LONP2: variants seen among roughly 807,000 people sequenced by gnomAD.
The protein encoded by LONP2 is lon peptidase 2, peroxisomal.
In LONP2, 60 loss-of-function variants were observed where a neutral mutation model predicts 85.6. The ratio of observed to expected loss-of-function variants is 0.70; its 90% CI spans 0.57 to 0.87. The LOEUF (loss-of-function observed/expected upper bound fraction) is 0.87. LONP2 is among the 40% of genes least tolerant of loss of function. LONP2 has a pLI of 0.00. For synonymous variants in LONP2, 395 were observed against 389.7 expected (o/e 1.01, Z -0.16); for missense variants, 860 against 1,063.5 (o/e 0.81, Z 2.66).
At chr16:48,279,690 T>C (rs1037117149) in intron 8 of LONP2, among the ~76,000 whole-genome samples, 2 of 152,244 alleles carry the variant, frequency 1.3e-5, no homozygotes, top group South Asian at 4.1e-4. Flanking sequence ...GACTGCTTCC[T>C]AAATTTATTT....
rs933489594 is a variant in LONP2 at position 48,244,545 on chromosome 16, C to T, written c.157C>T (p.Gln53Ter). The T allele has an allele frequency of 6.4e-7, 1 of 1,558,216 alleles. No homozygotes were observed. Among genetic ancestry groups the T allele is most frequent in the Middle Eastern group, 1.7e-4 (1 of 5,904 alleles). ...RSRLLKGTSL[Q>*]STILGVIPNT... is the part of the protein sequence containing the mutation. ...CCGCCTTCTGAAGGGCACGTCGCTG[C>T]AAAGCACCATCCTGGGCGTCATCCC... The change falls in exon 1 of 15, where the codon CAA becomes TAA. Residue 53 changes from glutamine (Q) to a stop codon, truncating the protein, a stop_gained. Coordinates refer to ENST00000285737, the MANE Select transcript of LONP2 (RefSeq NM_031490.5). LOFTEE classifies it high-confidence loss of function.
chr16:48,261,006 C>A (rs1003042531), intron 4 of LONP2, among the ~76,000 whole-genome samples: 1 of 152,054 alleles, frequency 6.6e-6, no homozygotes, highest in African/African-American at 2.4e-5. Context: ...GTTGAAGATG[C>A]TAGGAAGAAA....
chr16:48,254,473 C>T (rs2150964299), intron 2 of LONP2, among the ~76,000 whole-genome samples: 1 of 151,856 alleles, frequency 6.6e-6, no homozygotes, highest in South Asian at 2.1e-4. Context: ...AAGCGATTCT[C>T]CTGCTTCAGC....
intron 10 of LONP2, 88 bp from the exon 11 acceptor site, chr16:48,303,084 C>A: frequency 6.9e-7 from 1 of 1,452,516 alleles, no homozygotes; most frequent in Middle Eastern, 2.4e-4. Context: ...TAAATGTACA[C>A]TGTTTTACCA....
Position 48,316,623 on chromosome 16 carries a change from G to A in LONP2, c.1795+13318G>A, listed in dbSNP as rs552683021. 3.3e-5 allele frequency among the ~76,000 whole-genome samples: 5 copies of A among 152,198 alleles called. No individual in the cohort carries two copies. In the South Asian group the frequency reaches 6.2e-4, roughly 19 times the overall value. Reference sequence around the variant, plus strand: ...ATTACAGGCATGGGCCACCACACCCGGCCAGGATTCTTTGTATATATATGG... The same window carrying A: ...ATTACAGGCATGGGCCACCACACCCAGCCAGGATTCTTTGTATATATATGG... On this transcript the variant is annotated intron_variant, in intron 11 of 14. Coordinates refer to ENST00000285737, the MANE Select transcript of LONP2 (RefSeq NM_031490.5).
intron 12 of LONP2, chr16:48,345,190 A>C (rs1959923484): frequency 2.0e-5 from 3 of 152,300 alleles, no homozygotes; most frequent in Admixed American, 2.0e-4. Flanking sequence ...TCTGCACTCC[A>C]GCCTGAGCTA....
At chr16:48,267,025 A>T (rs1023323336) in intron 6 of LONP2, among the ~76,000 whole-genome samples, 1 of 152,218 alleles carries the variant, frequency 6.6e-6, no homozygotes, top group African/African-American at 2.4e-5. Flanking sequence ...TTTTAAATTT[A>T]TGTAATGTTT....
At chr16:48,311,155 G>A (rs1046814313) in intron 11 of LONP2, among the ~76,000 whole-genome samples, 1 of 152,086 alleles carries the variant, frequency 6.6e-6, no homozygotes, top group African/African-American at 2.4e-5. Flanking sequence ...CAATGTATTT[G>A]GCTGGAGTTT....
At chr16:48,349,420 G>A (rs772839655) in intron 14 of LONP2, among the ~76,000 whole-genome samples, 4 of 152,064 alleles carry the variant, frequency 2.6e-5, no homozygotes, top group East Asian at 1.9e-4. Flanking sequence ...ACAAGCATGC[G>A]CCACCACGCC....
chr16:48,288,465 A>T (rs1485788038), intron 8 of LONP2, among the ~76,000 whole-genome samples: 1 of 152,070 alleles, frequency 6.6e-6, no homozygotes, highest in Non-Finnish European at 1.5e-5. Context: ...AATGTATTAG[A>T]ATGTATTTCT....
rs1261452069 is a variant in LONP2 at position 48,313,400 on chromosome 16, GTT to G, written c.1795+10097_1795+10098del. Among the ~76,000 whole-genome samples the G allele has an allele frequency of 1.4e-3, 211 of 152,212 alleles. 1 individual carries two copies. The highest frequency in any genetic ancestry group is 4.9e-3 in the African/African-American group (204 of 41,526). On this transcript the variant is annotated intron_variant, in intron 11 of 14. Coordinates refer to ENST00000285737, the MANE Select transcript of LONP2 (RefSeq NM_031490.5). ...ATGTAGGTAAACATGTGCCATGGTG[GTT>G]TGCTGCACAGATAATCCATCACCCA... is the stretch of plus-strand genomic sequence containing the variant.
chr16:48,297,714 T>A (rs930301924), intron 9 of LONP2, among the ~76,000 whole-genome samples: 8 of 151,992 alleles, frequency 5.3e-5, no homozygotes, highest in African/African-American at 1.9e-4. Context: ...GTTTGTTTTT[T>A]TTTTGAGATG....
At chr16:48,293,489 T>G (rs1001280268) in intron 8 of LONP2, among the ~76,000 whole-genome samples, 5 of 152,140 alleles carry the variant, frequency 3.3e-5, no homozygotes, top group African/African-American at 1.2e-4. Context: ...TGACGCTTAT[T>G]AAAGGTGGTA....
intron 11 of LONP2, among the ~76,000 whole-genome samples, chr16:48,321,433 AT>A (rs1973262259): frequency 6.6e-6 from 1 of 152,140 alleles, no homozygotes; most frequent in African/African-American, 2.4e-5. Context: ...ATGGATTCCT[AT>A]GTTTTGGGCC....
In LONP2 at chr16:48,355,785, C is replaced by A. The variant is rs1376508575; in HGVS notation, c.*3983C>A. ...CTAGCATTGATTTTTAAGATGTTAC[C>A]CAAAGACCCCTTGTATCAAAATAAG... On this transcript the variant is annotated 3_prime_UTR_variant, in exon 15 of 15. Coordinates refer to ENST00000285737, the MANE Select transcript of LONP2 (RefSeq NM_031490.5). 1.3e-5 allele frequency: 2 copies of A among 151,916 alleles called. No homozygotes were observed. Among genetic ancestry groups the A allele is most frequent in the African/African-American group, 4.8e-5 (2 of 41,340 alleles). 9.4% of individuals were successfully genotyped at this position (151,916 alleles called of 1,614,324 possible).
chr16:48,270,462 C>G (rs1972080540), intron 7 of LONP2, among the ~76,000 whole-genome samples, 188 bp downstream of exon 7: 1 of 152,166 alleles, frequency 6.6e-6, no homozygotes, highest in Non-Finnish European at 1.5e-5. Context: ...TAAACCCAAA[C>G]TAACCTTGAT....
chr16:48,323,922 A>G (rs1004070812), intron 11 of LONP2, among the ~76,000 whole-genome samples: 1 of 152,196 alleles, frequency 6.6e-6, no homozygotes, highest in African/African-American at 2.4e-5. Flanking sequence ...AAAAATAAAA[A>G]ACATTGAAAA....
chr16:48,319,862 G>A (rs2151014408), intron 11 of LONP2, among the ~76,000 whole-genome samples: 1 of 152,210 alleles, frequency 6.6e-6, no homozygotes, highest in East Asian at 1.9e-4. Context: ...TTTTGTGCGT[G>A]TGCCTGTAAG....
At position 48,357,237 on chromosome 16, in the gene LONP2, C is replaced by T. The variant is rs9302758; in HGVS notation, c.*5435C>T. The T allele has an allele frequency of 0.17, 26,473 of 152,122 alleles. 2,600 individuals are homozygous for T. Among genetic ancestry groups the T allele is most frequent in the Middle Eastern group, 0.27 (80 of 294 alleles). The allele number at this position is 152,122 out of a possible 1,614,324, so 9.4% of individuals were successfully genotyped here. Reference sequence around the variant, plus strand: ...GTAGATACAGAGTCAGAAGTCAACCCAGGCAGTTAGAATCTACAACCCACA... The same window carrying T: ...GTAGATACAGAGTCAGAAGTCAACCTAGGCAGTTAGAATCTACAACCCACA... On this transcript the variant is annotated 3_prime_UTR_variant, in exon 15 of 15. Transcript: ENST00000285737.
Sources: gnomAD v4.1 joint callset for allele counts (sites outside exome capture counted in the v4.1 genomes callset) on GRCh38, gnomAD v4.1.1 for gene constraint, MANE v1.5 for transcripts, NCBI Gene and HGNC (gene_info 2026-07-23, HGNC 2026-07-21) for gene names.